The following FKRP variants were observed in gnomAD, a reference collection of about 807,000 sequenced individuals.
FKRP encodes the protein fukutin related protein.
Under a neutral mutation model 30.6 loss-of-function variants are expected in FKRP, and 25 were observed. The ratio of observed to expected loss-of-function variants is 0.82; its 90% CI spans 0.60 to 1.14. The LOEUF is 1.14. FKRP is among the 50% of genes most tolerant of loss of function. The pLI is 0.00. For missense variants in FKRP, 771 were observed against 727.8 expected, an observed-to-expected ratio of 1.06 and a Z score of -0.68; for synonymous variants, 358 against 342.5, an observed-to-expected ratio of 1.05 and a Z score of -0.50.
chr19:46,755,058 A>C (rs538580516), intron 3 of FKRP, among the ~76,000 whole-genome samples: 2 of 152,048 alleles, frequency 1.3e-5, no homozygotes, highest in South Asian at 4.2e-4. Context: ...TGTGCCAACA[A>C]ACCTCTGGGA....
In FKRP at chr19:46,755,871, C is replaced by G; in HGVS notation, c.421C>G (p.Leu141Val). 1 of 1,492,382 alleles carries G rather than the reference C, an allele frequency of 6.7e-7. No individual in the cohort carries two copies. Among genetic ancestry groups the G allele is most frequent in the South Asian group, 1.3e-5 (1 of 77,784 alleles). 92.4% of individuals were successfully genotyped at this position (1,492,382 alleles called of 1,614,324 possible). A position where few individuals can be genotyped will look rare whatever the true frequency, so the allele number is the denominator to read the frequency against. ...DGARAEAPGL[L>V]ERMVEALRAG... ...GGCGCGGGCTGAGGCACCTGGCCTGCTGGAGCGCATGGTGGAGGCGCTCCG... is the reference window on the plus strand; with the variant it reads ...GGCGCGGGCTGAGGCACCTGGCCTGGTGGAGCGCATGGTGGAGGCGCTCCG... Residue 141 changes from leucine (L) to valine (V), a missense_variant, in exon 4 of 4, where the codon CTG becomes GTG. Transcript: ENST00000318584.
chr19:46,755,272 A>T, intron 3 of FKRP, 140 bp from the exon 4 acceptor site: 1 of 612,864 alleles, frequency 1.6e-6, no homozygotes, highest in Non-Finnish European at 2.8e-6. Context: ...TTCCTGGAGA[A>T]GGGGAAGTCA....
Position 46,755,833 on chromosome 19 carries a change from T to C in FKRP, c.383T>C (p.Leu128Pro). Residue 128 changes from leucine to proline, a missense_variant, in exon 4 of 4, where the codon CTA becomes CCA. Coordinates refer to ENST00000318584, the MANE Select transcript of FKRP (RefSeq NM_024301.5). ...ETYVATEFVALVPDGARAEAP... is the reference protein window; with the variant it reads ...ETYVATEFVAPVPDGARAEAP... ...TACGTGGCCACCGAGTTTGTGGCCC[T>C]AGTACCTGATGGGGCGCGGGCTGAG... is the stretch of plus-strand genomic sequence containing the variant. 1 of 1,505,664 alleles carries C rather than the reference T, an allele frequency of 6.6e-7. No homozygotes were observed. Among genetic ancestry groups the C allele is most frequent in the Non-Finnish European group, 8.9e-7 (1 of 1,129,890 alleles). 93.3% of individuals were successfully genotyped at this position (1,505,664 alleles called of 1,614,324 possible). A position where few individuals can be genotyped will look rare whatever the true frequency, so the allele number is the denominator to read the frequency against.
chr19:46,758,009 C>A lies in FKRP; in HGVS notation c.*1071C>A, dbSNP rs1375780588. The A allele has an allele frequency of 6.0e-6, 1 of 167,182 alleles. No homozygotes were observed. The highest frequency in any genetic ancestry group is 2.4e-5 in the African/African-American group (1 of 41,470). 10.4% of individuals were successfully genotyped at this position (167,182 alleles called of 1,614,324 possible). A position where few individuals can be genotyped will look rare whatever the true frequency, so the allele number is the denominator to read the frequency against. On this transcript the variant is annotated 3_prime_UTR_variant, in exon 4 of 4. Transcript: ENST00000318584. ...TGCACCTAATTCCCCACTTGCACGGCAGTGTAGACAATAACCATAGCTCAC... is the reference window on the plus strand; with the variant it reads ...TGCACCTAATTCCCCACTTGCACGGAAGTGTAGACAATAACCATAGCTCAC...
At chr19:46,746,115 G>GGCCGT (rs2122469179) in intron 1 of FKRP, 25 bp downstream of exon 1, 1 of 1,466,668 alleles carries the variant, frequency 6.8e-7, no homozygotes, top group Non-Finnish European at 9.0e-7. Context: ...GGCCGGGCCG[G>GGCCGT]GTTGGGGGTC....
chr19:46,756,438 G>T lies in FKRP; in HGVS notation c.988G>T (p.Val330Leu). The change falls in exon 4 of 4, where the codon GTG (valine) becomes TTG (leucine). Residue 330 changes from valine (V) to leucine (L), a missense_variant. Transcript: ENST00000318584. The surrounding 1 kb of genome is among the most constrained non-coding windows in gnomAD (Gnocchi z 6.6). Reference sequence around the variant, plus strand: ...GCTGCGCGAGACCGCCCGCTATGTGGTGGGCGTGCTGGAGGCTGCGGGCGT... The same window carrying T: ...GCTGCGCGAGACCGCCCGCTATGTGTTGGGCGTGCTGGAGGCTGCGGGCGT... ...RALRETARYV[V>L]GVLEAAGVRY... 6.3e-7 allele frequency: 1 copy of T among 1,585,796 alleles called. No homozygotes were observed. The highest frequency in any genetic ancestry group is 8.6e-7 in the Non-Finnish European group (1 of 1,166,372).
At chr19:46,750,347 C>T (rs563556153) in intron 3 of FKRP, among the ~76,000 whole-genome samples, 3 of 152,280 alleles carry the variant, frequency 2.0e-5, no homozygotes, top group East Asian at 3.9e-4. Flanking sequence ...GTCTGGTCTG[C>T]GAGGGCCAAG....
chr19:46,745,051 G>A (rs3786708), upstream of FKRP, among the ~76,000 whole-genome samples: 26,059 of 101,530 alleles, frequency 0.26, 2,761 homozygotes, highest in Admixed American at 0.31. Flanking sequence ...GTCTACCCCC[G>A]TTCCGAGATG....
intron 1 of FKRP, chr19:46,746,518 C>G (rs1472315264): frequency 1.0e-5 from 8 of 792,860 alleles, no homozygotes; most frequent in Non-Finnish European, 1.2e-5. Context: ...CCGCCGCAAC[C>G]ACCGCGCGCG....
chr19:46,746,028 CCCGCCCCCCCG>C, upstream of FKRP: 2 of 1,219,522 alleles, frequency 1.6e-6, no homozygotes, highest in Non-Finnish European at 2.1e-6. Context: ...GCGGTCCCCT[CCCGCCCCCCCG>C]CCGGCCGTCC....
At position 46,753,462 on chromosome 19, in the gene FKRP, A is replaced by T. The variant is rs79243782; in HGVS notation, c.-39-1950A>T. Among the ~76,000 whole-genome samples the T allele has an allele frequency of 2.0e-5, 3 of 148,804 alleles. 1 individual carries two copies. Among genetic ancestry groups the T allele is most frequent in the African/African-American group, 7.5e-5 (3 of 40,094 alleles). ...AACAGAGGGAGACTCCATCTCAAAAAAAAAAAAGAAAAGAAAAGAAATAAG... is the reference window on the plus strand; with the variant it reads ...AACAGAGGGAGACTCCATCTCAAAATAAAAAAAGAAAAGAAAAGAAATAAG... On this transcript the variant is annotated intron_variant, in intron 3 of 3. Transcript: ENST00000318584.
intron 3 of FKRP, among the ~76,000 whole-genome samples, chr19:46,751,852 C>T (rs151090021): frequency 7.0e-4 from 107 of 152,136 alleles, no homozygotes; most frequent in Non-Finnish European, 1.3e-3. Context: ...CAGGCATGAG[C>T]CACCATGCCC....
intron 3 of FKRP, among the ~76,000 whole-genome samples, chr19:46,752,753 T>C (rs1426947549): frequency 6.6e-6 from 1 of 152,128 alleles, no homozygotes; most frequent in East Asian, 1.9e-4. Flanking sequence ...TAGTCCCAGC[T>C]ACTCGGGAGA....
chr19:46,750,845 A>G (rs2054777144), intron 3 of FKRP, among the ~76,000 whole-genome samples: 1 of 151,956 alleles, frequency 6.6e-6, no homozygotes, highest in Admixed American at 6.6e-5. Flanking sequence ...CCTTATCTTA[A>G]TAATTCAAGT....
At chr19:46,747,351 G>A (rs1164397662) in intron 1 of FKRP, 1 of 151,480 alleles carries the variant, frequency 6.6e-6, no homozygotes, top group Non-Finnish European at 1.5e-5. Flanking sequence ...AGCCCCCTTC[G>A]AGTGACCCTA....
chr19:46,749,938 A>G (rs1015189468), intron 3 of FKRP, among the ~76,000 whole-genome samples: 1 of 151,738 alleles, frequency 6.6e-6, no homozygotes, highest in African/African-American at 2.4e-5. Context: ...CTGGTCTCAA[A>G]CTCCCAGGCT....
chr19:46,752,466 G>T (rs914831282), intron 3 of FKRP, among the ~76,000 whole-genome samples: 2 of 152,166 alleles, frequency 1.3e-5, no homozygotes, highest in Non-Finnish European at 2.9e-5. Flanking sequence ...TCTCTCCAGT[G>T]CCTAGAACAG....
chr19:46,746,040 C>G (rs562627844), upstream of FKRP: 71 of 1,182,396 alleles, frequency 6.0e-5, 1 homozygote, highest in African/African-American at 7.4e-4. Flanking sequence ...CGCCCCCCCG[C>G]CGGCCGTCCC....
In FKRP at chr19:46,755,411, G is replaced by C; in HGVS notation, c.-39-1G>C. On this transcript the variant is annotated splice_acceptor_variant, in intron 3 of 3. Coordinates refer to ENST00000318584, the MANE Select transcript of FKRP (RefSeq NM_024301.5). LOFTEE classifies it low-confidence loss of function (5UTR_SPLICE). ...CCTTCCCTTTCGTCCCCCTCCCCCA[G>C]GATGCCCCGGAGGCCCAGCTAGCCC... The C allele has an allele frequency of 6.4e-7, 1 of 1,573,538 alleles. No individual in the cohort carries two copies. Among genetic ancestry groups the C allele is most frequent in the Non-Finnish European group, 8.6e-7 (1 of 1,165,742 alleles).
Sources: allele counts gnomAD v4.1 joint callset (sites outside exome capture counted in the v4.1 genomes callset), GRCh38; gene constraint gnomAD v4.1.1; non-coding constraint Gnocchi (gnomAD v3.1); transcripts MANE v1.5; gene names NCBI Gene and HGNC (gene_info 2026-07-23, HGNC 2026-07-21).